Variants in RXRA observed in about 807,000 individuals in gnomAD.
The protein encoded by RXRA is retinoic acid receptor RXR-alpha.
In RXRA, 5 loss-of-function variants were observed where a neutral mutation model predicts 44.5. The observed-to-expected ratio is 0.11, with a 90% CI of 0.06 to 0.24. The LOEUF (loss-of-function observed/expected upper bound fraction) is 0.24, where lower values mean the gene tolerates loss of function less well. Among genes scored for constraint, RXRA ranks in the 10% least tolerant of loss-of-function variants. The probability of loss-of-function intolerance (pLI) is 1.00; values close to 1 mark genes in which losing one functional copy is unlikely to be tolerated. For missense variants in RXRA, 412 were observed against 646.5 expected (o/e 0.64, Z 3.93); for synonymous variants, 291 against 271.4 (o/e 1.07, Z -0.71).
rs1327802834 is a variant in RXRA at position 134,407,452 on chromosome 9, G to T, written c.280-697G>T. On this transcript the variant is annotated intron_variant, in intron 2 of 9. Transcript: ENST00000481739. The surrounding 1 kb of genome is among the most constrained non-coding windows in gnomAD (Gnocchi z 4.8). ...GGGTGGAGGCAGCGGAACCAAAACTGCTGTGTCACTGCACGCTGCAGCTGT... is the reference window on the plus strand; with the variant it reads ...GGGTGGAGGCAGCGGAACCAAAACTTCTGTGTCACTGCACGCTGCAGCTGT... Among the ~76,000 whole-genome samples, 1 of 152,204 alleles carries T rather than the reference G, an allele frequency of 6.6e-6. No homozygotes were observed. Among genetic ancestry groups the T allele is most frequent in the African/African-American group, 2.4e-5 (1 of 41,456 alleles).
intron 1 of RXRA, among the ~76,000 whole-genome samples, chr9:134,330,352 T>C (rs781936341): frequency 6.6e-6 from 1 of 152,178 alleles, no homozygotes; most frequent in Non-Finnish European, 1.5e-5. Context: ...TGTGTTTTCA[T>C]AGGAATTGGC....
intron 1 of RXRA, among the ~76,000 whole-genome samples, chr9:134,381,608 C>T (rs1365269345): frequency 6.6e-6 from 1 of 152,118 alleles, no homozygotes; most frequent in Non-Finnish European, 1.5e-5. Context: ...CTCCCTCCTC[C>T]ATGGCCACAA....
At chr9:134,336,552 C>G (rs547110944) in intron 1 of RXRA, among the ~76,000 whole-genome samples, 1 of 152,172 alleles carries the variant, frequency 6.6e-6, no homozygotes, top group Admixed American at 6.5e-5. Context: ...CCCCTGTGGC[C>G]GGCCGGAGCC....
chr9:134,424,375 T>C (rs1365562741), intron 6 of RXRA: 3 of 985,386 alleles, frequency 3.0e-6, no homozygotes, highest in Non-Finnish European at 3.6e-6. Flanking sequence ...CGGCTGCATG[T>C]CTCTGAGTGG....
intron 1 of RXRA, among the ~76,000 whole-genome samples, chr9:134,394,507 G>T (rs1830849264): frequency 6.6e-6 from 1 of 152,134 alleles, no homozygotes; most frequent in Non-Finnish European, 1.5e-5. Flanking sequence ...CAAGGTGTGT[G>T]GGTCACTCTT....
intron 1 of RXRA, among the ~76,000 whole-genome samples, chr9:134,400,191 T>C (rs1272314829): frequency 6.6e-6 from 1 of 152,204 alleles, no homozygotes; most frequent in African/African-American, 2.4e-5. Context: ...AGGAGGCAGA[T>C]GCCCATGAGA....
At chr9:134,432,291 C>T (rs1042321040) in intron 8 of RXRA, among the ~76,000 whole-genome samples, 2 of 152,224 alleles carry the variant, frequency 1.3e-5, no homozygotes, top group Non-Finnish European at 2.9e-5. Flanking sequence ...CATCACTGTG[C>T]GTCGGAATCC....
intron 7 of RXRA, 41 bp downstream of exon 7, chr9:134,429,281 C>T (rs764559145): frequency 6.3e-6 from 10 of 1,595,792 alleles, no homozygotes; most frequent in Non-Finnish European, 8.5e-6. Context: ...CTTCGGTCAC[C>T]TCCGCCACCA....
intron 1 of RXRA, among the ~76,000 whole-genome samples, chr9:134,345,565 C>T (rs1458437294): frequency 6.6e-6 from 1 of 152,176 alleles, no homozygotes. Flanking sequence ...ACATGTCTGG[C>T]CTGGCTGCAC....
At chr9:134,372,022 T>G (rs971665738) in intron 1 of RXRA, 4 of 152,064 alleles carry the variant, frequency 2.6e-5, no homozygotes, top group Non-Finnish European at 5.9e-5. Flanking sequence ...CAGGCCCCAC[T>G]TCCCTCCCTG....
intron 4 of RXRA, among the ~76,000 whole-genome samples, chr9:134,416,680 C>A (rs1831240729): frequency 6.6e-6 from 1 of 152,034 alleles, no homozygotes; most frequent in African/African-American, 2.4e-5. Context: ...CTTGCCCAGG[C>A]CCTCAGCCAG....
Position 134,439,941 on chromosome 9 carries a change from C to T in RXRA, c.*3327C>T, listed in dbSNP as rs1355950626. 6.6e-6 allele frequency: 1 copy of T among 152,378 alleles called. No homozygotes were observed. Among genetic ancestry groups the T allele is most frequent in the Non-Finnish European group, 1.5e-5 (1 of 68,042 alleles). 9.4% of individuals were successfully genotyped at this position (152,378 alleles called of 1,614,324 possible). A position where few individuals can be genotyped will look rare whatever the true frequency, so the allele number is the denominator to read the frequency against. ...GAATATCTCAAGGCAGGAGATGCAT[C>T]TATTTTAAGATGCTTTGGAGCAGAC... On this transcript the variant is annotated 3_prime_UTR_variant, in exon 10 of 10. Transcript: ENST00000481739.
intron 4 of RXRA, among the ~76,000 whole-genome samples, chr9:134,415,650 A>G (rs1040420240): frequency 6.6e-6 from 1 of 151,998 alleles, no homozygotes; most frequent in South Asian, 2.1e-4. Context: ...TTAGGAGGGC[A>G]CCATCCTAGG....
chr9:134,419,364 A>G (rs938522248), intron 5 of RXRA, among the ~76,000 whole-genome samples: 4 of 152,208 alleles, frequency 2.6e-5, no homozygotes, highest in Non-Finnish European at 5.9e-5. Context: ...AAGTTCAGGG[A>G]GTTTAGAACC....
chr9:134,352,665 C>T (rs1389289464), intron 1 of RXRA, among the ~76,000 whole-genome samples: 1 of 152,214 alleles, frequency 6.6e-6, no homozygotes, highest in African/African-American at 2.4e-5. Flanking sequence ...CACAGAGGGT[C>T]AGCTGCCCCA....
At chr9:134,422,926 C>T (rs1831371925) in intron 6 of RXRA, 2 of 985,494 alleles carry the variant, frequency 2.0e-6, no homozygotes, top group Non-Finnish European at 2.4e-6. Context: ...AAGGCCGCAG[C>T]TCTCTTTCCA....
intron 1 of RXRA, among the ~76,000 whole-genome samples, chr9:134,385,229 C>T (rs1332435263): frequency 1.3e-5 from 2 of 152,178 alleles, no homozygotes; most frequent in Non-Finnish European, 2.9e-5. Flanking sequence ...GAAAGCTGCA[C>T]GTCCACACCC....
intron 5 of RXRA, 129 bp from the exon 6 acceptor site, chr9:134,421,546 TG>T: frequency 1.9e-6 from 2 of 1,067,468 alleles, no homozygotes; most frequent in Non-Finnish European, 2.7e-6. Context: ...GATTGGGGCC[TG>T]GGCATCTTTG....
At position 134,436,571 on chromosome 9, in the gene RXRA, C is replaced by A. The variant is rs781551267; in HGVS notation, c.1346C>A (p.Thr449Asn). Residue 449 changes from threonine (T) to asparagine (N), a missense_variant, in exon 10 of 10, where the codon ACC (threonine) becomes AAC (asparagine). Transcript: ENST00000481739. ...FKLIGDTPID[T>N]FLMEMLEAPH... ...CTCATCGGGGACACACCCATTGACA[C>A]CTTCCTTATGGAGATGCTGGAGGCG... 5 of 1,614,182 alleles carry A rather than the reference C, an allele frequency of 3.1e-6. No individual in the cohort carries two copies. Among genetic ancestry groups the A allele is most frequent in the Non-Finnish European group, 4.2e-6 (5 of 1,180,046 alleles).
Sources: allele counts gnomAD v4.1 joint callset (sites outside exome capture counted in the v4.1 genomes callset), GRCh38; gene constraint gnomAD v4.1.1; non-coding constraint Gnocchi (gnomAD v3.1); transcripts MANE v1.5; gene names NCBI Gene and HGNC (gene_info 2026-07-23, HGNC 2026-07-21).